The following FAM186A variants were observed in gnomAD, a reference collection of about 807,000 sequenced individuals.
FAM186A encodes protein FAM186A.
FAM186A carries 163 observed loss-of-function variants against 216.8 expected under a neutral mutation model. That is an observed-to-expected ratio of 0.75 (90% CI 0.66 to 0.86). The LOEUF is 0.86. Among genes scored for constraint, FAM186A ranks in the 40% least tolerant of loss-of-function variants. The pLI is 0.00. For missense variants in FAM186A, 2,184 were observed against 2,746.2 expected, an observed-to-expected ratio of 0.80 and a Z score of 4.58; for synonymous variants, 805 against 1,025.3, an observed-to-expected ratio of 0.79 and a Z score of 4.10.
At chr12:50,395,802 C>T (rs1943406778) in intron 1 of FAM186A, among the ~76,000 whole-genome samples, 1 of 151,676 alleles carries the variant, frequency 6.6e-6, no homozygotes, top group African/African-American at 2.4e-5. Context: ...GCTTTTGTTG[C>T]CCAGGCTGGA....
chr12:50,389,337 C>T (rs1943335383), intron 1 of FAM186A, among the ~76,000 whole-genome samples: 1 of 152,062 alleles, frequency 6.6e-6, no homozygotes, highest in African/African-American at 2.4e-5. Context: ...CCCGTCTCTA[C>T]TAAAAATACA....
chr12:50,396,123 G>A (rs1321659706), intron 1 of FAM186A, among the ~76,000 whole-genome samples, 170 bp downstream of exon 1: 1 of 152,184 alleles, frequency 6.6e-6, no homozygotes, highest in African/African-American at 2.4e-5. Flanking sequence ...TCAAATTGGA[G>A]CTTGTTATAT....
chr12:50,358,379 G>A (rs1452842917), intron 3 of FAM186A, among the ~76,000 whole-genome samples: 1 of 151,950 alleles, frequency 6.6e-6, no homozygotes, highest in Non-Finnish European at 1.5e-5. Flanking sequence ...TCAGGAGTTT[G>A]AGACTAGCCT....
intron 4 of FAM186A, among the ~76,000 whole-genome samples, chr12:50,339,209 G>A (rs1183744479): frequency 1.3e-5 from 2 of 152,050 alleles, no homozygotes; most frequent in Non-Finnish European, 2.9e-5. Flanking sequence ...TAGAGACAGG[G>A]TCTCACTATG....
intron 4 of FAM186A, among the ~76,000 whole-genome samples, chr12:50,338,384 A>G (rs1942730619): frequency 6.6e-6 from 1 of 152,096 alleles, no homozygotes; most frequent in African/African-American, 2.4e-5. Flanking sequence ...TATTTTTAGC[A>G]GAGACGGGGT....
At chr12:50,340,799 AT>A (rs11343486) in intron 4 of FAM186A, among the ~76,000 whole-genome samples, 130,194 of 137,666 alleles carry the variant, frequency 0.95, 61,705 homozygotes, top group Non-Finnish European at 0.99. Context: ...ATCTTTTCTA[AT>A]TTTTTTTTTT....
rs187535947 is a variant in FAM186A, at chr12:50,371,541, C to A, written c.193-8177G>T. Among the ~76,000 whole-genome samples the A allele has an allele frequency of 2.1e-3, 313 of 152,162 alleles. 1 individual carries two copies. Among genetic ancestry groups the A allele is most frequent in the Admixed American group, 0.018 (277 of 15,264 alleles). On this transcript the variant is annotated intron_variant, in intron 1 of 7. Coordinates refer to ENST00000327337, the MANE Select transcript of FAM186A (RefSeq NM_001145475.3). ...GACTATGCTGAGTGAATAAGCCAGT[C>A]ATAAAAAGACAAATACTTTATGATT... is the stretch of plus-strand genomic sequence containing the variant.
Position 50,396,292 on chromosome 12 carries a change from CCT to C in FAM186A, c.191_192del (p.Glu64GlyfsTer3). ...CTGTAAACTTCAGATTCACTACCTA[CCT>C]CTCTGGCTCGATGGAGCTGTGCGCG... The part of the protein sequence containing the change: ...IERAQLHRAR[E>X]DIDMQLSEIM... On this transcript the variant is annotated frameshift_variant and splice_region_variant, in exon 1 of 8. Coordinates refer to ENST00000327337, the MANE Select transcript of FAM186A (RefSeq NM_001145475.3). LOFTEE classifies it high-confidence loss of function. 1 of 1,523,780 alleles carries C rather than the reference CCT, an allele frequency of 6.6e-7. No homozygotes were observed. Among genetic ancestry groups the C allele is most frequent in the South Asian group, 1.3e-5 (1 of 78,102 alleles). The allele number at this position is 1,523,780 out of a possible 1,614,324, so 94.4% of individuals were successfully genotyped here. A position where few individuals can be genotyped will look rare whatever the true frequency, so the allele number is the denominator to read the frequency against.
rs996398682 is a variant in FAM186A, at chr12:50,363,329, A to T, written c.228T>A (p.Asn76Lys). ...IDMQLSEIMN[N>K]VHRIMTRYTL... ...TATAGCGAGTCATTATCCGATGCACATTGTTCATTATTTCACTCAGCTGCA... is the reference window on the plus strand; with the variant it reads ...TATAGCGAGTCATTATCCGATGCACTTTGTTCATTATTTCACTCAGCTGCA... The change falls in exon 2 of 8, where the codon AAT (asparagine) becomes AAA (lysine). Residue 76 changes from asparagine (N) to lysine (K), a missense_variant. This residue lies in a region of FAM186A where 1,132 missense variants were observed against 1,263.4 expected (regional missense o/e 0.90). Transcript: ENST00000327337. 12 of 1,550,996 alleles carry T rather than the reference A, an allele frequency of 7.7e-6. No homozygotes were observed. Among genetic ancestry groups the T allele is most frequent in the Non-Finnish European group, 1.0e-5 (12 of 1,146,882 alleles).
At position 50,363,344 on chromosome 12, in the gene FAM186A, A is replaced by C. The variant is rs1309335058; in HGVS notation, c.213T>G (p.Ser71Arg). Reference protein sequence around the residue: ...RAREDIDMQLSEIMNNVHRIM... With the variant: ...RAREDIDMQLREIMNNVHRIM... ...TCCGATGCACATTGTTCATTATTTC[A>C]CTCAGCTGCATATCAATGTCCTGTC... Residue 71 changes from serine to arginine, a missense_variant, in exon 2 of 8, where the codon AGT becomes AGG. Ser to Arg is a moderately radical substitution (Grantham distance 110, BLOSUM62 -1). Coordinates refer to ENST00000327337, the MANE Select transcript of FAM186A (RefSeq NM_001145475.3). 1 of 1,550,382 alleles carries C rather than the reference A, an allele frequency of 6.5e-7. No homozygotes were observed. The highest frequency in any genetic ancestry group is 1.4e-5 in the African/African-American group (1 of 73,104).
intron 5 of FAM186A, among the ~76,000 whole-genome samples, chr12:50,333,552 A>C (rs1337221564): frequency 6.7e-6 from 1 of 149,736 alleles, no homozygotes; most frequent in Non-Finnish European, 1.5e-5. Flanking sequence ...AAAGCAAAAC[A>C]AAAAAAAAGG....
intron 4 of FAM186A, among the ~76,000 whole-genome samples, chr12:50,342,309 AAAAAAC>A (rs1421582546): frequency 5.9e-5 from 9 of 151,842 alleles, no homozygotes; most frequent in East Asian, 1.9e-4. Context: ...CTTGTCTTAA[AAAAAAC>A]AAAAACAAAA....
At chr12:50,350,244 A>G in intron 4 of FAM186A, 85 bp downstream of exon 4, 1 of 1,248,204 alleles carries the variant, frequency 8.0e-7, no homozygotes, top group Non-Finnish European at 1.1e-6. Context: ...GGCCTGACAA[A>G]TATGAATATA....
chr12:50,352,495 G>C lies in FAM186A; in HGVS notation c.4337C>G (p.Pro1446Arg). ...TPQQAQALGM[P>R]LTAQQAQELG... ...CTCCTGAGCCTGCTGAGCGGTGAGA[G>C]GCATCCCCAGGGCCTGGGCCTGCTG... The change falls in exon 4 of 8, where the codon CCT (proline) becomes CGT (arginine). Residue 1446 changes from proline (P) to arginine (R), a missense_variant. Physicochemically the swap from Pro to Arg is moderately radical, Grantham distance 103 (BLOSUM62 -2). Around this residue, in one of 7 missense-constraint regions of FAM186A, gnomAD observed 267 missense variants for 446.2 expected, o/e 0.60. Coordinates refer to ENST00000327337, the MANE Select transcript of FAM186A (RefSeq NM_001145475.3). The C allele has an allele frequency of 6.7e-7, 1 of 1,498,142 alleles. No homozygotes were observed. Among genetic ancestry groups the C allele is most frequent in the Non-Finnish European group, 9.0e-7 (1 of 1,115,840 alleles). The allele number at this position is 1,498,142 out of a possible 1,614,324, so 92.8% of individuals were successfully genotyped here.
chr12:50,394,150 C>T (rs1943390026), intron 1 of FAM186A, among the ~76,000 whole-genome samples: 1 of 152,144 alleles, frequency 6.6e-6, no homozygotes, highest in African/African-American at 2.4e-5. Flanking sequence ...AAATCCTGAG[C>T]TCAAGTGATC....
At position 50,330,647 on chromosome 12, in the gene FAM186A, G is replaced by T. The variant is rs574961453; in HGVS notation, c.6960C>A (p.Tyr2320Ter). Residue 2320 changes from tyrosine to a stop codon, truncating the protein, a stop_gained, in exon 7 of 8, where the codon TAC becomes TAA. Transcript: ENST00000327337. LOFTEE classifies it high-confidence loss of function. The stretch of plus-strand genomic sequence containing the variant: ...ACTGAAGCAGCCTGGGAATATCTGG[G>T]TACCCACCCAGCTGGGCCCAGAGTG... ...MHSLWAQLGG[Y>*]PDIPRLLQLE... 1.3e-6 allele frequency: 2 copies of T among 1,550,290 alleles called. No individual in the cohort carries two copies. Among genetic ancestry groups the T allele is most frequent in the East Asian group, 4.9e-5 (2 of 40,776 alleles).
rs1463341207 is a variant in FAM186A, at chr12:50,363,173, G to A, written c.384C>T (p.Ala128=). 6.4e-7 allele frequency: 1 copy of A among 1,550,554 alleles called. No homozygotes were observed. The highest frequency in any genetic ancestry group is 8.7e-7 in the Non-Finnish European group (1 of 1,146,648). The part of the protein sequence containing the change: ...KTIEIREKTL[A]NILAWLEEWN... ...ATTCTTCCAACCAGGCCAGAATGTT[G>A]GCAAGAGTCTTTTCTCTTATTTCAA... Residue 128 remains alanine (A), a synonymous_variant, in exon 2 of 8, where the codon GCC becomes GCT. Transcript: ENST00000327337.
At chr12:50,380,648 A>G (rs1943245838) in intron 1 of FAM186A, among the ~76,000 whole-genome samples, 1 of 151,218 alleles carries the variant, frequency 6.6e-6, no homozygotes, top group African/African-American at 2.4e-5. Context: ...GTGAGCTGAG[A>G]TCATGCCACT....
chr12:50,368,113 C>G (rs1943108240), intron 1 of FAM186A, among the ~76,000 whole-genome samples: 1 of 151,640 alleles, frequency 6.6e-6, no homozygotes, highest in Non-Finnish European at 1.5e-5. Context: ...CCACTACACT[C>G]CAGCCTGGGT....
Sources: allele counts gnomAD v4.1 joint callset (sites outside exome capture counted in the v4.1 genomes callset), GRCh38; gene constraint gnomAD v4.1.1; regional missense constraint gnomAD v4.1.1; transcripts MANE v1.5; gene names NCBI Gene and HGNC (gene_info 2026-07-23, HGNC 2026-07-21).